The following SDR42E2 variants were observed in gnomAD, a reference collection of about 807,000 sequenced individuals.
SDR42E2 encodes the protein putative short-chain dehydrogenase/reductase family 42E member 2.
SDR42E2 carries 20 observed loss-of-function variants against 10.5 expected under a neutral mutation model. The ratio of observed to expected loss-of-function variants is 1.90; its 90% CI spans 1.34 to 2.77. SDR42E2 has a LOEUF of 2.77. SDR42E2 is among the 30% of genes most tolerant of loss of function. The probability of loss-of-function intolerance (pLI) is 0.00; values close to 1 mark genes in which losing one functional copy is unlikely to be tolerated. For synonymous variants in SDR42E2, 72 were observed against 39.2 expected, an observed-to-expected ratio of 1.84 and a Z score of -3.12; for missense variants, 162 against 104.2, an observed-to-expected ratio of 1.55 and a Z score of -2.42.
rs770770034 is a variant in SDR42E2 at position 22,190,122 on chromosome 16, C to T, written c.1015-17C>T. ...TCCCACGAGGCCCGCCCTCGGATGC[C>T]CCGCCTGTCCCCGCAGGTGCGCAGC... On this transcript the variant is annotated splice_polypyrimidine_tract_variant and intron_variant, in intron 12 of 12. Transcript: ENST00000602312. 7.5e-6 allele frequency: 3 copies of T among 401,110 alleles called. No individual in the cohort carries two copies. The highest frequency in any genetic ancestry group is 2.0e-5 in the African/African-American group (1 of 48,822). 24.8% of individuals were successfully genotyped at this position (401,110 alleles called of 1,614,324 possible).
At chr16:22,186,337 G>C (rs980823647) in intron 11 of SDR42E2, among the ~76,000 whole-genome samples, 10 of 152,044 alleles carry the variant, frequency 6.6e-5, no homozygotes, top group African/African-American at 2.4e-4. Flanking sequence ...CTCCCCAGTA[G>C]CTGGGATTAC....
chr16:22,170,289 A>G (rs1401291274), intron 5 of SDR42E2, among the ~76,000 whole-genome samples: 2 of 151,310 alleles, frequency 1.3e-5, no homozygotes, highest in Non-Finnish European at 2.9e-5. Flanking sequence ...GGGAGGGGGA[A>G]GTTGTGGTGA....
In SDR42E2 at chr16:22,178,145, G is replaced by C. The variant is rs762835515; in HGVS notation, c.605G>C (p.Arg202Pro). 4.3e-6 allele frequency: 3 copies of C among 702,784 alleles called. No homozygotes were observed. Among genetic ancestry groups the C allele is most frequent in the African/African-American group, 1.7e-5 (1 of 57,342 alleles). 43.5% of individuals were successfully genotyped at this position (702,784 alleles called of 1,614,324 possible). The change falls in exon 8 of 13, where the codon CGG becomes CCG. Residue 202 changes from arginine to proline, a missense_variant. By Grantham distance (103) the Arg-to-Pro change is moderately radical. Coordinates refer to ENST00000602312, the MANE Select transcript of SDR42E2 (RefSeq NM_001394319.2). The stretch of plus-strand genomic sequence containing the variant: ...TGTGTGCTAGGAGGAGGCACTCTTC[G>C]GACGTGTGTGCTCCGGCCTCCAGGG... ...GMPLPGGGTL[R>P]TCVLRPPGIY... is the part of the protein sequence containing the mutation.
At chr16:22,180,434 C>T (rs375577753) in intron 8 of SDR42E2, among the ~76,000 whole-genome samples, 1 of 152,210 alleles carries the variant, frequency 6.6e-6, no homozygotes, top group East Asian at 1.9e-4. Context: ...AGCACGCTGG[C>T]TCATGTCTGT....
intron 7 of SDR42E2, among the ~76,000 whole-genome samples, chr16:22,176,892 C>T (rs1215049969): frequency 1.3e-5 from 2 of 152,224 alleles, no homozygotes; most frequent in Non-Finnish European, 2.9e-5. Flanking sequence ...TGGGGAACTC[C>T]GCTGAGATAG....
At chr16:22,176,326 G>T (rs1353944989) in intron 7 of SDR42E2, among the ~76,000 whole-genome samples, 1 of 151,858 alleles carries the variant, frequency 6.6e-6, no homozygotes, top group East Asian at 1.9e-4. Context: ...TCGTTTTATT[G>T]CCCAGGCAGT....
In SDR42E2 at chr16:22,172,285, C is replaced by A; in HGVS notation, c.543C>A (p.Ala181=). 1.4e-6 allele frequency: 1 copy of A among 703,208 alleles called. No homozygotes were observed. The highest frequency in any genetic ancestry group is 1.5e-5 in the South Asian group (1 of 67,600). The allele number at this position is 703,208 out of a possible 1,614,324, so 43.6% of individuals were successfully genotyped here. A position where few individuals can be genotyped will look rare whatever the true frequency, so the allele number is the denominator to read the frequency against. Residue 181 remains alanine, a synonymous_variant, in exon 7 of 13, where the codon GCC becomes GCA. Coordinates refer to ENST00000602312, the MANE Select transcript of SDR42E2 (RefSeq NM_001394319.2). The part of the protein sequence containing the change: ...EHVDHYSRTK[A]IADQLTLMAN... ...TAGACCACTACTCCCGAACCAAAGC[C>A]ATCGCCGACCAATTGACCCTCATGG...
intron 12 of SDR42E2, among the ~76,000 whole-genome samples, chr16:22,189,318 T>A (rs752208107): frequency 1.3e-4 from 20 of 151,968 alleles, no homozygotes; most frequent in African/African-American, 2.4e-4. Flanking sequence ...TGGGAGAACA[T>A]CTCCAGGTGC....
chr16:22,177,686 C>A (rs1202180626), intron 7 of SDR42E2, among the ~76,000 whole-genome samples: 2 of 151,834 alleles, frequency 1.3e-5, no homozygotes, highest in African/African-American at 2.4e-5. Context: ...AAAAGAGAGA[C>A]CAAGAGCTAT....
intron 9 of SDR42E2, among the ~76,000 whole-genome samples, chr16:22,181,971 T>C (rs1015890495): frequency 6.6e-6 from 1 of 152,240 alleles, no homozygotes; most frequent in Non-Finnish European, 1.5e-5. Flanking sequence ...ATCCCATTAT[T>C]ATCCTCCCAT....
intron 1 of SDR42E2, among the ~76,000 whole-genome samples, chr16:22,163,210 G>A (rs1429724201): frequency 2.6e-5 from 4 of 152,294 alleles, no homozygotes; most frequent in African/African-American, 9.6e-5. Context: ...CAATAAGTGA[G>A]TATCCAAGGC....
At chr16:22,173,158 C>T (rs1198828501) in intron 7 of SDR42E2, among the ~76,000 whole-genome samples, 1 of 152,138 alleles carries the variant, frequency 6.6e-6, no homozygotes, top group Admixed American at 6.6e-5. Context: ...TTCTTGAGTG[C>T]ACACTACATG....
intron 12 of SDR42E2, among the ~76,000 whole-genome samples, chr16:22,189,332 C>T (rs1813798275): frequency 6.6e-6 from 1 of 152,130 alleles, no homozygotes; most frequent in African/African-American, 2.4e-5. Context: ...CAGGTGCCAG[C>T]ACAGCAGAGA....
Position 22,181,676 on chromosome 16 carries a change from C to A in SDR42E2, c.810+20C>A. On this transcript the variant is annotated intron_variant, in intron 9 of 12. Coordinates refer to ENST00000602312, the MANE Select transcript of SDR42E2 (RefSeq NM_001394319.2). ...GTGGCTGTGAGTCCCCTCTGATGCC[C>A]CCAACCACCTTCCCCACAGGGCTGC... 1.4e-6 allele frequency: 1 copy of A among 701,468 alleles called. No individual in the cohort carries two copies. The highest frequency in any genetic ancestry group is 1.5e-5 in the South Asian group (1 of 67,468). The allele number at this position is 701,468 out of a possible 1,614,324, so 43.5% of individuals were successfully genotyped here.
chr16:22,167,173 T>G (rs867551136), intron 4 of SDR42E2, among the ~76,000 whole-genome samples, 174 bp downstream of exon 4: 2,658 of 90,198 alleles, frequency 0.029, 80 homozygotes, highest in South Asian at 0.066. Context: ...CCATTTTTTT[T>G]TTTTTTTTTT....
Position 22,181,565 on chromosome 16 carries a change from A to G in SDR42E2, c.719A>G (p.Lys240Arg). The change falls in exon 9 of 13, where the codon AAG becomes AGG. Residue 240 changes from lysine (K) to arginine (R), a missense_variant. By Grantham distance (26) the Lys-to-Arg change is conservative. Coordinates refer to ENST00000602312, the MANE Select transcript of SDR42E2 (RefSeq NM_001394319.2). ...RLFMFRFGDH[K>R]ARMNWVHVHN... ...TTCATGTTCCGATTTGGGGACCACA[A>G]GGCACGGATGAACTGGGTCCACGTA... 5.7e-6 allele frequency: 4 copies of G among 703,032 alleles called. No individual in the cohort carries two copies. In the South Asian group the frequency reaches 5.9e-5, roughly 10 times the overall value. 43.5% of individuals were successfully genotyped at this position (703,032 alleles called of 1,614,324 possible).
intron 7 of SDR42E2, among the ~76,000 whole-genome samples, chr16:22,177,606 C>T (rs1486919133): frequency 6.6e-6 from 1 of 150,630 alleles, no homozygotes; most frequent in South Asian, 2.1e-4. Context: ...GCAGCCTGGG[C>T]GGCAGAGCAA....
chr16:22,188,629 A>G (rs1228843706), intron 12 of SDR42E2, among the ~76,000 whole-genome samples: 1 of 152,232 alleles, frequency 6.6e-6, no homozygotes, highest in African/African-American at 2.4e-5. Context: ...CACATAAAAT[A>G]GCTGCCAGGG....
At chr16:22,189,316 C>T (rs2046755169) in intron 12 of SDR42E2, among the ~76,000 whole-genome samples, 1 of 152,116 alleles carries the variant, frequency 6.6e-6, no homozygotes, top group Admixed American at 6.6e-5. Context: ...GGTGGGAGAA[C>T]ATCTCCAGGT....
Sources: allele counts gnomAD v4.1 joint callset (sites outside exome capture counted in the v4.1 genomes callset), GRCh38; gene constraint gnomAD v4.1.1; transcripts MANE v1.5; gene names NCBI Gene and HGNC (gene_info 2026-07-23, HGNC 2026-07-21).